Variants in SCGB2B2 observed in about 807,000 individuals in gnomAD.
SCGB2B2 encodes secretoglobin family 2B member 2.
SCGB2B2 carries 11 observed loss-of-function variants against 7.6 expected under a neutral mutation model. The ratio of observed to expected loss-of-function variants is 1.45; its 90% CI spans 0.91 to 2.40. The LOEUF (loss-of-function observed/expected upper bound fraction) is 2.40, where lower values mean the gene tolerates loss of function less well. SCGB2B2 is among the 30% of genes most tolerant of loss of function. The probability of loss-of-function intolerance (pLI) is 0.00; values close to 1 mark genes in which losing one functional copy is unlikely to be tolerated. For missense variants in SCGB2B2, 104 were observed against 115.4 expected, an observed-to-expected ratio of 0.90 and a Z score of 0.45; for synonymous variants, 50 against 48.6, an observed-to-expected ratio of 1.03 and a Z score of -0.12.
chr19:34,616,475 C>T, intron 1 of SCGB2B2, among the ~76,000 whole-genome samples: 1 of 122,216 alleles, frequency 8.2e-6, no homozygotes, highest in African/African-American at 2.8e-5. Context: ...TTTTTGGCTG[C>T]ATAAATGTCT....
rs1342882855 is a variant in SCGB2B2 at position 34,591,981 on chromosome 19, T to C, written c.*1574A>G. On this transcript the variant is annotated 3_prime_UTR_variant, in exon 4 of 4. Transcript: ENST00000601241. ...CCTTGTTTTCCACTGGGTGCCCGGC[T>C]CTGGGAAAGGGCCTGATGTGTGGCA... is the stretch of plus-strand genomic sequence containing the variant. Among the ~76,000 whole-genome samples the C allele has an allele frequency of 6.6e-6, 1 of 152,186 alleles. No individual in the cohort carries two copies. Among genetic ancestry groups the C allele is most frequent in the East Asian group, 1.9e-4 (1 of 5,194 alleles).
intron 1 of SCGB2B2, among the ~76,000 whole-genome samples, chr19:34,642,909 C>T (rs760938901): frequency 6.6e-6 from 1 of 152,100 alleles, no homozygotes; most frequent in Non-Finnish European, 1.5e-5. Flanking sequence ...CAAAAACCAA[C>T]AGACGCTAGT....
intron 1 of SCGB2B2, among the ~76,000 whole-genome samples, chr19:34,617,639 A>G (rs1381219318): frequency 6.6e-6 from 1 of 152,166 alleles, no homozygotes; most frequent in East Asian, 1.9e-4. Flanking sequence ...AAACAGGGAC[A>G]ATTTGACTTC....
rs557717403 is a variant in SCGB2B2, at chr19:34,627,520, A to G, written c.-2031-30926T>C. On this transcript the variant is annotated intron_variant, in intron 1 of 3. Transcript: ENST00000601241. ...CAACAAAGATCAAAAGAGACAAAGA[A>G]GGCCATTACATAATGGTAAAGGGAT... Among the ~76,000 whole-genome samples the G allele has an allele frequency of 6.6e-3, 998 of 152,366 alleles. 4 individuals are homozygous for G. The highest frequency in any genetic ancestry group is 0.011 in the Non-Finnish European group (741 of 68,030).
chr19:34,589,944 C>T (rs2065260860), downstream of SCGB2B2, among the ~76,000 whole-genome samples: 1 of 152,080 alleles, frequency 6.6e-6, no homozygotes, highest in Non-Finnish European at 1.5e-5. Flanking sequence ...GGGAGTTGGT[C>T]CTAGAGGAAG....
At chr19:34,627,156 G>A (rs10221465) in intron 1 of SCGB2B2, among the ~76,000 whole-genome samples, 58,075 of 151,962 alleles carry the variant, frequency 0.38, 11,575 homozygotes, top group African/African-American at 0.5. Context: ...GCAAAAACAC[G>A]CCAAATTGTA....
At chr19:34,651,866 T>C (rs2067169197) in intron 1 of SCGB2B2, among the ~76,000 whole-genome samples, 1 of 151,248 alleles carries the variant, frequency 6.6e-6, no homozygotes, top group African/African-American at 2.5e-5. Context: ...TGGCATAACT[T>C]GACTTCAAAA....
At position 34,593,107 on chromosome 19, in the gene SCGB2B2, C is replaced by T. The variant is rs551247793; in HGVS notation, c.*448G>A. On this transcript the variant is annotated 3_prime_UTR_variant, in exon 4 of 4. Coordinates refer to ENST00000601241, the MANE Select transcript of SCGB2B2 (RefSeq NM_001025591.4). ...GAGGTTGAGGTAGGTGGATCATTTG[C>T]GGTCAGGAGTTTGAGACCAGCCTGG... Among the ~76,000 whole-genome samples the T allele has an allele frequency of 1.4e-4, 21 of 152,192 alleles. No individual in the cohort carries two copies. The highest frequency in any genetic ancestry group is 4.3e-4 in the African/African-American group (18 of 41,518).
rs890749650 is a variant in SCGB2B2, at chr19:34,591,477, C to T, written c.*2078G>A. The stretch of plus-strand genomic sequence containing the variant: ...CCACAGGGACTCCCAGTTGGTCTTC[C>T]TGCCTCTACTGCCGCCCCCGTTGCT... On this transcript the variant is annotated 3_prime_UTR_variant, in exon 4 of 4. Coordinates refer to ENST00000601241, the MANE Select transcript of SCGB2B2 (RefSeq NM_001025591.4). Among the ~76,000 whole-genome samples, 6 of 152,216 alleles carry T rather than the reference C, an allele frequency of 3.9e-5. No homozygotes were observed. The highest frequency in any genetic ancestry group is 1.4e-4 in the African/African-American group (6 of 41,456).
chr19:34,626,697 C>G (rs569641727), intron 1 of SCGB2B2, among the ~76,000 whole-genome samples: 15 of 152,272 alleles, frequency 9.9e-5, no homozygotes, highest in African/African-American at 3.6e-4. Flanking sequence ...GGATATTATC[C>G]AGGAGAACTT....
In SCGB2B2 at chr19:34,594,651, T is replaced by TAGTG; in HGVS notation, c.-89_-88insCACT. Reference sequence around the variant, plus strand: ...ATATCTGAACAAGGCACATGCCTCTTCGTGTGTGTGTGTGTGTGTGTGTGT... The same window carrying TAGTG: ...ATATCTGAACAAGGCACATGCCTCTTAGTGCGTGTGTGTGTGTGTGTGTGTGTGT... On this transcript the variant is annotated 5_prime_UTR_variant, in exon 2 of 4. It removes the in-frame stop codon of an upstream open reading frame in the 5' UTR. Transcript: ENST00000601241. 3 of 791,628 alleles carry TAGTG rather than the reference T, an allele frequency of 3.8e-6. No homozygotes were observed. The highest frequency in any genetic ancestry group is 6.3e-6 in the Non-Finnish European group (3 of 477,076). The allele number at this position is 791,628 out of a possible 1,614,324, so 49.0% of individuals were successfully genotyped here.
At chr19:34,658,945 T>C (rs2146121491) in intron 1 of SCGB2B2, among the ~76,000 whole-genome samples, 1 of 151,822 alleles carries the variant, frequency 6.6e-6, no homozygotes, top group South Asian at 2.1e-4. Context: ...TCCACCATGA[T>C]CAAGTTGGCT....
chr19:34,658,378 G>A (rs569575531), intron 1 of SCGB2B2, among the ~76,000 whole-genome samples: 1 of 152,082 alleles, frequency 6.6e-6, no homozygotes, highest in South Asian at 2.1e-4. Context: ...AGAAAAGAGA[G>A]AAGAATCAAA....
At chr19:34,634,500 C>T (rs904039932) in intron 1 of SCGB2B2, among the ~76,000 whole-genome samples, 1 of 152,134 alleles carries the variant, frequency 6.6e-6, no homozygotes, top group Non-Finnish European at 1.5e-5. Context: ...ATCTCTCCAG[C>T]ATGGATGTCC....
intron 1 of SCGB2B2, among the ~76,000 whole-genome samples, chr19:34,628,916 C>T (rs1033250747): frequency 6.6e-6 from 1 of 151,928 alleles, no homozygotes; most frequent in Non-Finnish European, 1.5e-5. Context: ...AAAAGCTTAT[C>T]CACCACAATC....
chr19:34,671,723 C>G (rs1159719131), intron 1 of SCGB2B2, among the ~76,000 whole-genome samples: 2 of 152,066 alleles, frequency 1.3e-5, no homozygotes, highest in Admixed American at 6.5e-5. Context: ...ATGTTGTATG[C>G]TCTTGTAAAA....
intron 1 of SCGB2B2, among the ~76,000 whole-genome samples, chr19:34,602,830 C>A (rs2145790758): frequency 6.6e-6 from 1 of 152,282 alleles, no homozygotes; most frequent in South Asian, 2.1e-4. Flanking sequence ...TTTGCTCACC[C>A]CACAGCCAAG....
intron 1 of SCGB2B2, among the ~76,000 whole-genome samples, chr19:34,639,200 G>T (rs949435283): frequency 4.6e-5 from 7 of 152,126 alleles, no homozygotes; most frequent in African/African-American, 1.7e-4. Context: ...TAATCCTTGG[G>T]CTTGTGGGTT....
At chr19:34,631,701 C>T (rs2066540388) in intron 1 of SCGB2B2, among the ~76,000 whole-genome samples, 1 of 152,028 alleles carries the variant, frequency 6.6e-6, no homozygotes, top group African/African-American at 2.4e-5. Flanking sequence ...AATTGATATA[C>T]ATATATTCAA....
Sources: allele counts gnomAD v4.1 joint callset (sites outside exome capture counted in the v4.1 genomes callset), GRCh38; gene constraint gnomAD v4.1.1; transcripts MANE v1.5; gene names NCBI Gene and HGNC (gene_info 2026-07-23, HGNC 2026-07-21).